LY9: variants seen among roughly 807,000 people sequenced by gnomAD.
LY9 encodes the protein lymphocyte antigen 9, also known as T-lymphocyte surface antigen Ly-9.
LY9 carries 59 observed loss-of-function variants against 64.6 expected under a neutral mutation model. The ratio of observed to expected loss-of-function variants is 0.91; its 90% CI spans 0.74 to 1.13. The LOEUF is 1.13. LY9 is among the 50% of genes most tolerant of loss of function. LY9 has a pLI of 0.00. For synonymous variants in LY9, 281 were observed against 308.5 expected, an observed-to-expected ratio of 0.91 and a Z score of 0.93; for missense variants, 789 against 797.2, an observed-to-expected ratio of 0.99 and a Z score of 0.12.
intron 7 of LY9, among the ~76,000 whole-genome samples, chr1:160,822,284 T>C (rs1172960564): frequency 6.6e-6 from 1 of 152,114 alleles, no homozygotes; most frequent in Admixed American, 6.6e-5. Context: ...CTGAGTTCTA[T>C]AGTCCAGTTT....
chr1:160,813,786 A>G lies in LY9; in HGVS notation c.605A>G (p.Asn202Ser), dbSNP rs554182754. ...TPREPHASES[N>S]GGSILTVSRT... Reference sequence around the variant, plus strand: ...AGGGAACCCCATGCTTCTGAGTCCAATGGAGGCTCCATTCTTACCGTCTCC... The same window carrying G: ...AGGGAACCCCATGCTTCTGAGTCCAGTGGAGGCTCCATTCTTACCGTCTCC... The change falls in exon 3 of 10, where the codon AAT becomes AGT. Residue 202 changes from asparagine to serine, a missense_variant. Asn to Ser is a conservative substitution (Grantham distance 46, BLOSUM62 1). Coordinates refer to ENST00000263285, the MANE Select transcript of LY9 (RefSeq NM_002348.4). 37 of 1,614,154 alleles carry G rather than the reference A, an allele frequency of 2.3e-5. No individual in the cohort carries two copies. The highest frequency in any genetic ancestry group is 5.0e-5 in the Admixed American group (3 of 60,016).
At chr1:160,819,270 C>A (rs377414014) in intron 6 of LY9, 51 bp from the exon 7 acceptor site, 8 of 1,367,038 alleles carry the variant, frequency 5.9e-6, no homozygotes, top group Non-Finnish European at 8.4e-6. Context: ...ATAAAAGACA[C>A]CTCTCACCTC....
At chr1:160,819,714 C>T (rs1668232822) in intron 7 of LY9, among the ~76,000 whole-genome samples, 1 of 149,884 alleles carries the variant, frequency 6.7e-6, no homozygotes, top group South Asian at 2.1e-4. Flanking sequence ...TCTATTTAAC[C>T]TGGGAGGTGG....
At chr1:160,805,859 G>A (rs1316767659) in intron 2 of LY9, among the ~76,000 whole-genome samples, 1 of 148,096 alleles carries the variant, frequency 6.8e-6, no homozygotes, top group East Asian at 2.0e-4. Flanking sequence ...TATACATTTA[G>A]AGTTGTTATA....
intron 1 of LY9, chr1:160,797,152 C>A: frequency 1.0e-6 from 1 of 985,496 alleles, no homozygotes; most frequent in Non-Finnish European, 1.2e-6. Context: ...TGGCCCGGAA[C>A]CCCACTGTCC....
intron 1 of LY9, among the ~76,000 whole-genome samples, chr1:160,797,859 C>T (rs373926587): frequency 2.1e-5 from 1 of 48,012 alleles, no homozygotes; most frequent in African/African-American, 1.3e-4. Context: ...TGTAGATGAT[C>T]TATACACACA....
In LY9 at chr1:160,824,233, C is replaced by G. The variant is rs1193490028; in HGVS notation, c.1883C>G (p.Ser628Cys). The G allele has an allele frequency of 1.2e-6, 2 of 1,614,174 alleles. No homozygotes were observed. Among genetic ancestry groups the G allele is most frequent in the South Asian group, 2.2e-5 (2 of 91,080 alleles). ...KEESSATIYC[S>C]IRKPQVVPPP... ...GAGAGCTCAGCCACAATCTACTGCTCCATACGGAAACCTCAGGTGGTGAGA... is the reference window on the plus strand; with the variant it reads ...GAGAGCTCAGCCACAATCTACTGCTGCATACGGAAACCTCAGGTGGTGAGA... Residue 628 changes from serine to cysteine, a missense_variant, in exon 9 of 10, where the codon TCC becomes TGC. Transcript: ENST00000263285.
chr1:160,797,404 T>C, intron 1 of LY9: 1 of 430,300 alleles, frequency 2.3e-6, no homozygotes, highest in Non-Finnish European at 3.1e-6. Context: ...CAGTCTGACC[T>C]CTTTTCACTT....
At chr1:160,813,950 A>C (rs1306654534) in intron 3 of LY9, 39 bp downstream of exon 3, 1 of 1,592,578 alleles carries the variant, frequency 6.3e-7, no homozygotes, top group African/African-American at 1.3e-5. Context: ...GAATTCCAGA[A>C]ACAATATGAG....
intron 1 of LY9, 81 bp downstream of exon 1, chr1:160,796,392 T>A (rs1040462995): frequency 6.8e-7 from 1 of 1,472,546 alleles, no homozygotes; most frequent in Non-Finnish European, 9.1e-7. Context: ...GGAGATTCTT[T>A]TTTTTGTTTT....
chr1:160,819,395 G>T, intron 7 of LY9, 21 bp downstream of exon 7: 1 of 1,600,220 alleles, frequency 6.2e-7, no homozygotes, highest in African/African-American at 1.3e-5. Context: ...CCATGACACA[G>T]GCTATGGGGT....
At chr1:160,820,196 A>T (rs1668304008) in intron 7 of LY9, among the ~76,000 whole-genome samples, 1 of 152,098 alleles carries the variant, frequency 6.6e-6, no homozygotes. Flanking sequence ...TTTAAAACTT[A>T]ATTAAAATTA....
intron 8 of LY9, 57 bp downstream of exon 8, chr1:160,823,853 G>T (rs1261483739): frequency 1.7e-5 from 24 of 1,376,002 alleles, no homozygotes; most frequent in Non-Finnish European, 2.2e-5. Context: ...CGGCATCTGA[G>T]ATCCTGGATG....
At chr1:160,805,229 G>A (rs1350969075) in intron 2 of LY9, among the ~76,000 whole-genome samples, 4 of 150,764 alleles carry the variant, frequency 2.7e-5, no homozygotes, top group Non-Finnish European at 5.9e-5. Context: ...TTTCATGTAG[G>A]CATTTATTTC....
intron 7 of LY9, 38 bp from the exon 8 acceptor site, chr1:160,823,427 T>A (rs1304458691): frequency 6.6e-7 from 1 of 1,503,868 alleles, no homozygotes; most frequent in East Asian, 2.3e-5. Flanking sequence ...AGAGGTGGGG[T>A]TGGCATACTT....
At chr1:160,801,813 G>A (rs771149978) in intron 2 of LY9, 54 of 1,613,852 alleles carry the variant, frequency 3.3e-5, no homozygotes, top group Admixed American at 1.2e-4. Flanking sequence ...AAAGTTGTCC[G>A]TCCACGTCAT....
chr1:160,813,954 A>T (rs1186947572), intron 3 of LY9, 43 bp downstream of exon 3: 1 of 1,586,852 alleles, frequency 6.3e-7, no homozygotes, highest in East Asian at 2.2e-5. Flanking sequence ...TCCAGAAACA[A>T]TATGAGCAGC....
At position 160,827,987 on chromosome 1, in the gene LY9, C is replaced by A; in HGVS notation, c.*171C>A. 2.0e-6 allele frequency: 1 copy of A among 503,940 alleles called. No homozygotes were observed. Among genetic ancestry groups the A allele is most frequent in the Non-Finnish European group, 3.5e-6 (1 of 282,516 alleles). The allele number at this position is 503,940 out of a possible 1,614,324, so 31.2% of individuals were successfully genotyped here. Reference sequence around the variant, plus strand: ...TTCTCACCCTTAAGGACTCCCAAACCCATTAATAGTTCAGACACAGGCTCC... The same window carrying A: ...TTCTCACCCTTAAGGACTCCCAAACACATTAATAGTTCAGACACAGGCTCC... On this transcript the variant is annotated 3_prime_UTR_variant, in exon 10 of 10. Coordinates refer to ENST00000263285, the MANE Select transcript of LY9 (RefSeq NM_002348.4).
intron 2 of LY9, chr1:160,802,349 G>A: frequency 2.0e-6 from 2 of 988,200 alleles, no homozygotes; most frequent in Non-Finnish European, 1.2e-6. Context: ...AGGCCATCCG[G>A]GCCTGCTGGC....
Sources: gnomAD v4.1 joint callset for allele counts (sites outside exome capture counted in the v4.1 genomes callset) on GRCh38, gnomAD v4.1.1 for gene constraint, MANE v1.5 for transcripts, NCBI Gene and HGNC (gene_info 2026-07-23, HGNC 2026-07-21) for gene names.